Variants in ATP9B observed in about 807,000 individuals in gnomAD.
The protein encoded by ATP9B is ATPase phospholipid transporting 9B, also known as probable phospholipid-transporting ATPase IIB.
ATP9B carries 110 observed loss-of-function variants against 146.1 expected under a neutral mutation model. That is an observed-to-expected ratio of 0.75 (90% CI 0.65 to 0.88). The LOEUF is 0.88. Ranked by LOEUF, ATP9B falls within the 40% of genes least tolerant of loss-of-function variation. The probability of loss-of-function intolerance (pLI) is 0.00; values close to 1 mark genes in which losing one functional copy is unlikely to be tolerated. For missense variants in ATP9B, 1,499 were observed against 1,496.4 expected (o/e 1.00, Z -0.03); for synonymous variants, 604 against 569.7 (o/e 1.06, Z -0.86).
At position 79,093,266 on chromosome 18, in the gene ATP9B, A is replaced by G. The variant is rs1258739137; in HGVS notation, c.120-3210A>G. ...GAGTCTCTTAGTTTTCTTTCATCTG[A>G]GAACATCTTTGTTTTGCCTTCATTC... On this transcript the variant is annotated intron_variant, in intron 1 of 29. Transcript: ENST00000426216. Among the ~76,000 whole-genome samples, 3 of 152,150 alleles carry G rather than the reference A, an allele frequency of 2.0e-5. No individual in the cohort carries two copies. The East Asian group carries it at 5.8e-4, about 29-fold the overall frequency.
At chr18:79,284,701 C>T (rs1364456731) in intron 13 of ATP9B, among the ~76,000 whole-genome samples, 1 of 28,688 alleles carries the variant, frequency 3.5e-5, no homozygotes, top group African/African-American at 2.0e-4. Flanking sequence ...ATACATGTGC[C>T]ATGCTGTGTG....
At chr18:79,336,418 A>T (rs550473826) in intron 17 of ATP9B, among the ~76,000 whole-genome samples, 1 of 152,334 alleles carries the variant, frequency 6.6e-6, no homozygotes, top group East Asian at 1.9e-4. Flanking sequence ...GGTCAGTAGG[A>T]TTTGAGATAC....
At chr18:79,207,377 G>C (rs1328871492) in intron 10 of ATP9B, among the ~76,000 whole-genome samples, 1 of 152,226 alleles carries the variant, frequency 6.6e-6, no homozygotes, top group East Asian at 1.9e-4. Context: ...GCGCTTCTCA[G>C]TCATCCGACA....
chr18:79,336,595 G>C (rs531615655), intron 17 of ATP9B, 33 bp from the exon 18 acceptor site: 2 of 1,602,892 alleles, frequency 1.2e-6, no homozygotes, highest in Non-Finnish European at 1.7e-6. Context: ...GGCTCTGCAG[G>C]GCCCACCTGT....
chr18:79,361,925 C>A, intron 26 of ATP9B: 2 of 426,212 alleles, frequency 4.7e-6, no homozygotes, highest in African/African-American at 2.1e-5. Flanking sequence ...AGTCTGTATT[C>A]TAGTCAGGAT....
At chr18:79,160,601 T>C (rs1312857056) in intron 7 of ATP9B, among the ~76,000 whole-genome samples, 1 of 152,172 alleles carries the variant, frequency 6.6e-6, no homozygotes, top group Non-Finnish European at 1.5e-5. Flanking sequence ...TTATATAGAT[T>C]GTGTTAGAAG....
chr18:79,218,399 C>T (rs570066520), intron 11 of ATP9B, among the ~76,000 whole-genome samples: 1 of 151,740 alleles, frequency 6.6e-6, no homozygotes, highest in Non-Finnish European at 1.5e-5. Context: ...CTGGCACAGG[C>T]TGGCAGCTCC....
intron 3 of ATP9B, among the ~76,000 whole-genome samples, chr18:79,110,832 T>G (rs905374675): frequency 1.3e-5 from 2 of 152,202 alleles, no homozygotes; most frequent in African/African-American, 4.8e-5. Flanking sequence ...AAACAAGTTA[T>G]ACGTTTTGTT....
chr18:79,348,554 C>T (rs2096904906), intron 25 of ATP9B, among the ~76,000 whole-genome samples: 1 of 152,240 alleles, frequency 6.6e-6, no homozygotes, highest in African/African-American at 2.4e-5. Context: ...CTGGCTGGGG[C>T]TTCATCCTGT....
chr18:79,300,604 C>T (rs116704319), intron 13 of ATP9B, among the ~76,000 whole-genome samples: 2,344 of 152,232 alleles, frequency 0.015, 65 homozygotes, highest in African/African-American at 0.054. Context: ...GCTGCGGGGC[C>T]GTGGACAACA....
chr18:79,376,214 C>CACACACACACACAAAAAA lies in ATP9B; in HGVS notation c.3307+789_3307+790insCACACACACACAAAAAAA. The CACACACACACACAAAAAA allele has an allele frequency of 2.2e-3, 1,950 of 878,490 alleles. 21 individuals are homozygous for CACACACACACACAAAAAA. The highest frequency in any genetic ancestry group is 0.013 in the Admixed American group (166 of 12,528). The allele number at this position is 878,490 out of a possible 1,614,324, so 54.4% of individuals were successfully genotyped here. A position where few individuals can be genotyped will look rare whatever the true frequency, so the allele number is the denominator to read the frequency against. On this transcript the variant is annotated intron_variant, in intron 29 of 29. Coordinates refer to ENST00000426216, the MANE Select transcript of ATP9B (RefSeq NM_198531.5). ...ACACACACACACACACACACACACA[C>CACACACACACACAAAAAA]AAAACAAAACAAAAAAATGGCTAGC...
At chr18:79,298,122 A>G (rs2096565852) in intron 13 of ATP9B, among the ~76,000 whole-genome samples, 1 of 146,928 alleles carries the variant, frequency 6.8e-6, no homozygotes, top group Non-Finnish European at 1.5e-5. Context: ...AGAAAGGGGA[A>G]TGCAAGGTAT....
chr18:79,304,444 T>A (rs985924323), intron 14 of ATP9B, among the ~76,000 whole-genome samples: 1 of 152,236 alleles, frequency 6.6e-6, no homozygotes, highest in Non-Finnish European at 1.5e-5. Flanking sequence ...CCTTACTGGT[T>A]GAACACCTCT....
At chr18:79,248,015 A>T (rs1170795684) in intron 11 of ATP9B, among the ~76,000 whole-genome samples, 1 of 152,222 alleles carries the variant, frequency 6.6e-6, no homozygotes, top group Non-Finnish European at 1.5e-5. Flanking sequence ...GCTGATACTT[A>T]TTTAGGGAAT....
At chr18:79,247,852 TATAGAATAGGCAAAA>T (rs2095983952) in intron 11 of ATP9B, among the ~76,000 whole-genome samples, 1 of 152,206 alleles carries the variant, frequency 6.6e-6, no homozygotes, top group Non-Finnish European at 1.5e-5. Flanking sequence ...AAATTCTGAG[TATAGAATAGGCAAAA>T]TGTTAAATTT....
chr18:79,277,128 C>T lies in ATP9B; in HGVS notation c.1343C>T (p.Thr448Met), dbSNP rs576881435. 27 of 1,614,112 alleles carry T rather than the reference C, an allele frequency of 1.7e-5. No individual in the cohort carries two copies. Among genetic ancestry groups the T allele is most frequent in the East Asian group, 4.5e-5 (2 of 44,896 alleles). ...MMMKDENIPG[T>M]VVRTSTIPEE... ...ATGAAAGATGAGAACATCCCTGGCA[C>T]GGTCGTTCGGACCAGCACTATCCCA... The change falls in exon 13 of 30, where the codon ACG becomes ATG. Residue 448 changes from threonine to methionine, a missense_variant. Physicochemically the swap from Thr to Met is moderately conservative, Grantham distance 81. Transcript: ENST00000426216.
intron 5 of ATP9B, among the ~76,000 whole-genome samples, chr18:79,132,695 G>GT (rs1188204359): frequency 3.3e-5 from 5 of 152,154 alleles, no homozygotes; most frequent in African/African-American, 1.2e-4. Context: ...TCAGTTTCCA[G>GT]TATTTCACAG....
intron 4 of ATP9B, among the ~76,000 whole-genome samples, chr18:79,119,716 T>A (rs1267354220): frequency 6.6e-6 from 1 of 152,204 alleles, no homozygotes; most frequent in Non-Finnish European, 1.5e-5. Flanking sequence ...TTTTAAATGA[T>A]TTTCTTTCGT....
intron 15 of ATP9B, among the ~76,000 whole-genome samples, chr18:79,315,259 G>A (rs568721403): frequency 2.6e-5 from 4 of 152,242 alleles, no homozygotes; most frequent in South Asian, 4.1e-4. Flanking sequence ...TCATTTTATC[G>A]TGTGTGCCTA....
Sources: allele counts gnomAD v4.1 joint callset (sites outside exome capture counted in the v4.1 genomes callset), GRCh38; gene constraint gnomAD v4.1.1; transcripts MANE v1.5; gene names NCBI Gene and HGNC (gene_info 2026-07-23, HGNC 2026-07-21).